TCF7L2: variants seen among roughly 807,000 people sequenced by gnomAD.
TCF7L2 encodes the protein transcription factor 7-like 2.
In TCF7L2, 23 loss-of-function variants were observed where a neutral mutation model predicts 77.9. That is an observed-to-expected ratio of 0.30 (90% CI 0.21 to 0.42). The LOEUF is 0.42. Among genes scored for constraint, TCF7L2 ranks in the 10% least tolerant of loss-of-function variants. The pLI, the probability that TCF7L2 is intolerant of heterozygous loss-of-function variation, is 1.00. For missense variants in TCF7L2, 654 were observed against 793.1 expected (o/e 0.82, Z 2.11); for synonymous variants, 413 against 340.2 (o/e 1.21, Z -2.36).
At chr10:113,089,101 G>A (rs2060115993) in intron 5 of TCF7L2, among the ~76,000 whole-genome samples, 1 of 152,208 alleles carries the variant, frequency 6.6e-6, no homozygotes, top group Non-Finnish European at 1.5e-5. Flanking sequence ...GTTCTTGAGA[G>A]GCTCAGAGGA....
At chr10:113,111,122 G>A (rs1423333792) in intron 5 of TCF7L2, among the ~76,000 whole-genome samples, 1 of 151,222 alleles carries the variant, frequency 6.6e-6, no homozygotes, top group African/African-American at 2.4e-5. Context: ...TATATTTTCC[G>A]GGGCATAGAA....
At chr10:112,993,796 C>A (rs1469021348) in intron 4 of TCF7L2, among the ~76,000 whole-genome samples, 3 of 152,130 alleles carry the variant, frequency 2.0e-5, no homozygotes, top group African/African-American at 7.2e-5. Flanking sequence ...GTGGCTTACG[C>A]CTGTAATCCT....
chr10:112,977,420 G>A (rs572639936), intron 4 of TCF7L2, among the ~76,000 whole-genome samples: 2 of 152,354 alleles, frequency 1.3e-5, no homozygotes, highest in East Asian at 3.9e-4. Flanking sequence ...TTGAGGAACA[G>A]AGAGCATAGG....
chr10:112,967,905 G>T (rs980786782), intron 4 of TCF7L2, among the ~76,000 whole-genome samples: 2 of 152,184 alleles, frequency 1.3e-5, no homozygotes, highest in East Asian at 3.9e-4. Context: ...AAAGTGCTGG[G>T]ATTACAGGCG....
At chr10:113,141,399 G>T in intron 6 of TCF7L2, 83 bp downstream of exon 6, 1 of 1,587,822 alleles carries the variant, frequency 6.3e-7, no homozygotes, top group Non-Finnish European at 8.6e-7. Flanking sequence ...AGGAACCCCA[G>T]GGGTGGAGCA....
chr10:113,109,281 T>C (rs2062817448), intron 5 of TCF7L2, among the ~76,000 whole-genome samples: 1 of 152,238 alleles, frequency 6.6e-6, no homozygotes, highest in Non-Finnish European at 1.5e-5. Context: ...GGTGTTATCT[T>C]GGGGAAACAA....
chr10:112,951,348 G>T, intron 2 of TCF7L2, 75 bp downstream of exon 2: 2 of 977,572 alleles, frequency 2.0e-6, no homozygotes, highest in South Asian at 4.7e-5. Context: ...CCCCGGCCCC[G>T]CGCCCGGCTC....
chr10:113,145,003 G>C (rs2069075596), intron 7 of TCF7L2, among the ~76,000 whole-genome samples: 1 of 152,206 alleles, frequency 6.6e-6, no homozygotes, highest in African/African-American at 2.4e-5. Flanking sequence ...GTAAAACTCA[G>C]GTTTGAGTCT....
At chr10:113,131,597 G>T (rs767591819) in intron 5 of TCF7L2, among the ~76,000 whole-genome samples, 1 of 152,324 alleles carries the variant, frequency 6.6e-6, no homozygotes, top group East Asian at 1.9e-4. Flanking sequence ...TGTCTTAGGA[G>T]AAGGGAGTTC....
At chr10:113,130,958 G>T (rs1205044617) in intron 5 of TCF7L2, among the ~76,000 whole-genome samples, 1 of 151,902 alleles carries the variant, frequency 6.6e-6, no homozygotes, top group African/African-American at 2.4e-5. Context: ...TAGAGACGGG[G>T]TTTCATCACG....
chr10:113,164,776 T>TTTTTTG (rs1223246269), intron 13 of TCF7L2, among the ~76,000 whole-genome samples: 3 of 152,130 alleles, frequency 2.0e-5, no homozygotes, highest in Admixed American at 2.0e-4. Context: ...TCGTTTTTTG[T>TTTTTTG]TTTTTGTTTT....
intron 5 of TCF7L2, among the ~76,000 whole-genome samples, chr10:113,134,079 A>C (rs1475138822): frequency 2.0e-5 from 3 of 152,218 alleles, no homozygotes; most frequent in African/African-American, 7.2e-5. Flanking sequence ...TCCAACAGGC[A>C]GTGCTGTAGC....
chr10:113,124,752 T>C (rs2065305807), intron 5 of TCF7L2, among the ~76,000 whole-genome samples: 1 of 151,696 alleles, frequency 6.6e-6, no homozygotes, highest in South Asian at 2.1e-4. Flanking sequence ...GTTTTAATGA[T>C]CTCGTAAAAC....
intron 5 of TCF7L2, among the ~76,000 whole-genome samples, chr10:113,117,426 TCTCTC>T (rs2063958200): frequency 2.8e-5 from 1 of 35,994 alleles, no homozygotes; most frequent in Non-Finnish European, 5.4e-5. Flanking sequence ...TCTCTCTCTC[TCTCTC>T]TCCCTCTCTC....
chr10:113,047,885 G>C (rs893925346), intron 5 of TCF7L2, among the ~76,000 whole-genome samples: 1 of 152,198 alleles, frequency 6.6e-6, no homozygotes, highest in Non-Finnish European at 1.5e-5. Context: ...GTGCTTGGGG[G>C]AAGAGTCTTT....
intron 7 of TCF7L2, among the ~76,000 whole-genome samples, chr10:113,145,100 A>T (rs1395559683): frequency 2.7e-5 from 4 of 148,492 alleles, no homozygotes; most frequent in Non-Finnish European, 4.4e-5. Flanking sequence ...CTCTAGTTAG[A>T]TAGATTCTAT....
intron 4 of TCF7L2, chr10:112,987,476 A>G (rs2041769499): frequency 6.7e-6 from 1 of 150,318 alleles, no homozygotes; most frequent in Non-Finnish European, 1.5e-5. Flanking sequence ...TTTTACTACC[A>G]TAACGGTGTA....
chr10:113,035,319 G>A (rs1046309384), intron 4 of TCF7L2, among the ~76,000 whole-genome samples: 5 of 152,158 alleles, frequency 3.3e-5, no homozygotes, highest in Admixed American at 1.3e-4. Flanking sequence ...AGGCACCCTC[G>A]CCCATCTGAC....
At chr10:113,122,096 C>A (rs2064898412) in intron 5 of TCF7L2, among the ~76,000 whole-genome samples, 1 of 152,202 alleles carries the variant, frequency 6.6e-6, no homozygotes. Context: ...AATCAAACCT[C>A]TTGGCAAAGG....
Sources: allele counts gnomAD v4.1 joint callset (sites outside exome capture counted in the v4.1 genomes callset), GRCh38; gene constraint gnomAD v4.1.1; transcripts MANE v1.5; gene names NCBI Gene and HGNC (gene_info 2026-07-23, HGNC 2026-07-21).